PDE4D: variants seen among roughly 807,000 people sequenced by gnomAD.
The protein encoded by PDE4D is phosphodiesterase 4D.
PDE4D carries 24 observed loss-of-function variants against 87.4 expected under a neutral mutation model. That is an observed-to-expected ratio of 0.27 (90% CI 0.20 to 0.39). The LOEUF (loss-of-function observed/expected upper bound fraction) is 0.39. Among genes scored for constraint, PDE4D ranks in the 10% least tolerant of loss-of-function variants. PDE4D has a pLI of 1.00. For synonymous variants in PDE4D, 384 were observed against 383.2 expected (o/e 1.00, Z -0.02); for missense variants, 714 against 1,041.0 (o/e 0.69, Z 4.32).
At chr5:59,553,133 T>C (rs959043925) in intron 1 of PDE4D, among the ~76,000 whole-genome samples, 4 of 152,132 alleles carry the variant, frequency 2.6e-5, no homozygotes, top group Non-Finnish European at 4.4e-5. Context: ...TGTGGAAATA[T>C]ATATATTTTT....
intron 1 of PDE4D, among the ~76,000 whole-genome samples, chr5:59,721,156 C>A (rs1394201617): frequency 2.0e-5 from 3 of 152,088 alleles, no homozygotes; most frequent in African/African-American, 7.2e-5. Context: ...GAGTTTAGCA[C>A]CTAGTGAATC....
chr5:59,620,284 C>T (rs1459992671), intron 1 of PDE4D, among the ~76,000 whole-genome samples: 3 of 152,076 alleles, frequency 2.0e-5, no homozygotes, highest in African/African-American at 7.2e-5. Context: ...TCTGGAAACA[C>T]AAGGGTTAAA....
At chr5:59,561,226 A>G (rs1302201406) in intron 1 of PDE4D, among the ~76,000 whole-genome samples, 17 of 152,198 alleles carry the variant, frequency 1.1e-4, no homozygotes. Flanking sequence ...TGCTTTTGGC[A>G]ATCACATGGA....
At chr5:60,276,813 AT>A (rs201053363) in intron 1 of PDE4D, among the ~76,000 whole-genome samples, 36 of 147,218 alleles carry the variant, frequency 2.4e-4, no homozygotes, top group Admixed American at 2.7e-4. Context: ...TGTCACTAGT[AT>A]TTTTTTTTTG....
At chr5:59,518,317 A>T (rs186222472) in intron 1 of PDE4D, among the ~76,000 whole-genome samples, 2 of 152,264 alleles carry the variant, frequency 1.3e-5, no homozygotes, top group African/African-American at 2.4e-5. Context: ...GCTAAAAAAA[A>T]AAATAAAGCA....
intron 1 of PDE4D, among the ~76,000 whole-genome samples, chr5:59,410,719 G>A (rs1792515026): frequency 6.6e-6 from 1 of 152,018 alleles, no homozygotes; most frequent in South Asian, 2.1e-4. Context: ...TATAGGTACT[G>A]CATGTTTTTT....
intron 1 of PDE4D, among the ~76,000 whole-genome samples, chr5:59,522,893 A>G (rs1812486795): frequency 6.6e-6 from 1 of 152,222 alleles, no homozygotes; most frequent in Non-Finnish European, 1.5e-5. Flanking sequence ...CACAAGTTGT[A>G]TACACCATTT....
chr5:60,507,746 C>T (rs1750387750), intron 1 of PDE4D, among the ~76,000 whole-genome samples: 4 of 152,182 alleles, frequency 2.6e-5, no homozygotes, highest in Admixed American at 2.6e-4. Flanking sequence ...CACAGTTAAC[C>T]TCAGAATAAG....
At chr5:60,457,237 T>C (rs995692790) in intron 1 of PDE4D, among the ~76,000 whole-genome samples, 2 of 152,188 alleles carry the variant, frequency 1.3e-5, no homozygotes, top group African/African-American at 4.8e-5. Flanking sequence ...AATAATATTA[T>C]AAAATAACAC....
chr5:60,191,321 T>A (rs1378862457), intron 1 of PDE4D, among the ~76,000 whole-genome samples: 2 of 152,124 alleles, frequency 1.3e-5, no homozygotes, highest in South Asian at 2.1e-4. Context: ...ATAATCCCCA[T>A]AATCCCCACG....
intron 1 of PDE4D, among the ~76,000 whole-genome samples, chr5:60,241,976 C>T (rs2149660460): frequency 6.6e-6 from 1 of 152,176 alleles, no homozygotes; most frequent in South Asian, 2.1e-4. Flanking sequence ...TCAGTGAAAC[C>T]TTAAAGACCA....
At chr5:59,417,985 A>G (rs1793896480) in intron 1 of PDE4D, among the ~76,000 whole-genome samples, 1 of 152,210 alleles carries the variant, frequency 6.6e-6, no homozygotes, top group African/African-American at 2.4e-5. Flanking sequence ...GCATTTAGCC[A>G]TTGCAGAAAC....
At chr5:59,407,965 G>C (rs1249267190) in intron 1 of PDE4D, among the ~76,000 whole-genome samples, 1 of 152,202 alleles carries the variant, frequency 6.6e-6, no homozygotes, top group Non-Finnish European at 1.5e-5. Context: ...TTGCAACCTA[G>C]CTATGTGATA....
rs77917707 is a variant in PDE4D, at chr5:59,149,316, G to A, written c.808+31279C>T. On this transcript the variant is annotated intron_variant, in intron 5 of 14. Coordinates refer to ENST00000340635, the MANE Select transcript of PDE4D (RefSeq NM_001104631.2). ...AGACTCTCTAAGCCTTCCTTCCTACGCTCTTTCACTAAAGGACCAGGTTCT... is the reference window on the plus strand; with the variant it reads ...AGACTCTCTAAGCCTTCCTTCCTACACTCTTTCACTAAAGGACCAGGTTCT... Among the ~76,000 whole-genome samples the A allele has an allele frequency of 5.6e-3, 851 of 152,126 alleles. 7 individuals carry two copies. Among genetic ancestry groups the A allele is most frequent in the African/African-American group, 0.02 (814 of 41,488 alleles).
At chr5:60,414,938 G>A (rs1355496451) in intron 1 of PDE4D, among the ~76,000 whole-genome samples, 1 of 152,236 alleles carries the variant, frequency 6.6e-6, no homozygotes, top group African/African-American at 2.4e-5. Flanking sequence ...TAAGACACAG[G>A]AAGAAGGGAA....
Position 59,744,422 on chromosome 5 carries a change from C to T in PDE4D, c.455+148746G>A, listed in dbSNP as rs536282745. On this transcript the variant is annotated intron_variant, in intron 1 of 14. Coordinates refer to ENST00000340635, the MANE Select transcript of PDE4D (RefSeq NM_001104631.2). ...CTTTTGATCACTTTACAAGGTCAAACTTTGTTATTGCTGAGCATCACAGTA... is the reference window on the plus strand; with the variant it reads ...CTTTTGATCACTTTACAAGGTCAAATTTTGTTATTGCTGAGCATCACAGTA... Among the ~76,000 whole-genome samples, 6 of 152,246 alleles carry T rather than the reference C, an allele frequency of 3.9e-5. No homozygotes were observed. In the South Asian group the frequency reaches 1.0e-3, roughly 26 times the overall value.
intron 5 of PDE4D, among the ~76,000 whole-genome samples, chr5:59,057,698 C>G (rs1762560078): frequency 6.6e-6 from 1 of 152,180 alleles, no homozygotes; most frequent in South Asian, 2.1e-4. Flanking sequence ...ACAAGCAAAC[C>G]TTTTTAGCCC....
At chr5:59,636,964 G>A (rs1011746967) in intron 1 of PDE4D, among the ~76,000 whole-genome samples, 5 of 152,016 alleles carry the variant, frequency 3.3e-5, no homozygotes, top group African/African-American at 1.2e-4. Flanking sequence ...AGAGTGAACA[G>A]GCTAGAGAAT....
chr5:59,914,743 T>C (rs1753834713), intron 3 of PDE4D, among the ~76,000 whole-genome samples: 1 of 151,950 alleles, frequency 6.6e-6, no homozygotes, highest in African/African-American at 2.4e-5. Context: ...AGTGTGGAGA[T>C]ACATATAGCA....
Sources: gnomAD v4.1 joint callset for allele counts (sites outside exome capture counted in the v4.1 genomes callset) on GRCh38, gnomAD v4.1.1 for gene constraint, MANE v1.5 for transcripts, NCBI Gene and HGNC (gene_info 2026-07-23, HGNC 2026-07-21) for gene names.